IL1RAPL1: variants seen among roughly 807,000 people sequenced by gnomAD.
The protein encoded by IL1RAPL1 is interleukin-1 receptor accessory protein-like 1.
A neutral mutation model predicts 48.4 loss-of-function variants in IL1RAPL1; 3 were observed. That is an observed-to-expected ratio of 0.06 (90% CI 0.03 to 0.16). IL1RAPL1 has a LOEUF of 0.16. IL1RAPL1 is among the 10% of genes least tolerant of loss of function. The probability of loss-of-function intolerance (pLI) is 1.00; values close to 1 mark genes in which losing one functional copy is unlikely to be tolerated. For synonymous variants in IL1RAPL1, 185 were observed against 187.7 expected, an observed-to-expected ratio of 0.99 and a Z score of 0.12; for missense variants, 349 against 530.6, an observed-to-expected ratio of 0.66 and a Z score of 3.36.
At chrX:29,188,264 ATATT>A (rs1171954952) in intron 2 of IL1RAPL1, among the ~76,000 whole-genome samples, 1 of 111,864 alleles carries the variant, frequency 8.9e-6, no homozygotes, top group Non-Finnish European at 1.9e-5. Flanking sequence ...GGATAGGACT[ATATT>A]TATCTTCCTA....
At chrX:29,498,545 G>A (rs1935238582) in intron 5 of IL1RAPL1, among the ~76,000 whole-genome samples, 1 of 106,435 alleles carries the variant, frequency 9.4e-6, no homozygotes, top group South Asian at 4.0e-4. Flanking sequence ...TGTTTCAATT[G>A]TTTTCTTTTT....
chrX:29,530,445 T>A (rs780812971), intron 5 of IL1RAPL1, among the ~76,000 whole-genome samples: 1 of 111,582 alleles, frequency 9.0e-6, no homozygotes, highest in East Asian at 2.8e-4. Flanking sequence ...TTAATCCTGG[T>A]GGGGAAATCT....
chrX:28,863,882 G>C (rs1468740200), intron 2 of IL1RAPL1, among the ~76,000 whole-genome samples: 1 of 111,167 alleles, frequency 9.0e-6, no homozygotes, highest in Non-Finnish European at 1.9e-5. Flanking sequence ...CCCCAAACTT[G>C]GCTCATTAAA....
intron 1 of IL1RAPL1, among the ~76,000 whole-genome samples, chrX:28,669,676 TA>T (rs1242996416): frequency 9.7e-6 from 1 of 102,786 alleles, no homozygotes; most frequent in Non-Finnish European, 1.9e-5. Flanking sequence ...ATATAATTTA[TA>T]ATATAATATA....
chrX:29,427,630 A>G (rs780743905), intron 5 of IL1RAPL1, among the ~76,000 whole-genome samples: 7 of 111,190 alleles, frequency 6.3e-5, no homozygotes, highest in Non-Finnish European at 5.7e-5. Context: ...GTTCCTTGGT[A>G]TGGGTCCCAG....
At chrX:29,582,832 T>A (rs1923021525) in intron 5 of IL1RAPL1, among the ~76,000 whole-genome samples, 1 of 66,092 alleles carries the variant, frequency 1.5e-5, no homozygotes, top group African/African-American at 6.0e-5. Flanking sequence ...TTTGCTATTG[T>A]GAATAATGCC....
At chrX:28,624,852 T>C (rs1934320586) in intron 1 of IL1RAPL1, among the ~76,000 whole-genome samples, 1 of 112,285 alleles carries the variant, frequency 8.9e-6, no homozygotes, top group Non-Finnish European at 1.9e-5. Context: ...TTTTTAAATA[T>C]GAATACCCTA....
At chrX:29,836,170 T>A (rs1224161659) in intron 6 of IL1RAPL1, among the ~76,000 whole-genome samples, 1 of 94,266 alleles carries the variant, frequency 1.1e-5, no homozygotes, top group African/African-American at 3.6e-5. Context: ...GATTTTGGTA[T>A]GTTGTGTTTT....
intron 6 of IL1RAPL1, among the ~76,000 whole-genome samples, chrX:29,685,335 T>TTG (rs1926584775): frequency 9.1e-6 from 1 of 110,402 alleles, no homozygotes; most frequent in Non-Finnish European, 1.9e-5. Flanking sequence ...AAACCCCATC[T>TTG]TGACTAAAAA....
chrX:29,227,493 A>T (rs903393730), intron 2 of IL1RAPL1, among the ~76,000 whole-genome samples: 3 of 111,633 alleles, frequency 2.7e-5, no homozygotes, highest in African/African-American at 9.7e-5. Flanking sequence ...TTAATTTGAC[A>T]GTCTCCTTTT....
At chrX:29,534,838 G>A (rs1194168696) in intron 5 of IL1RAPL1, among the ~76,000 whole-genome samples, 1 of 109,545 alleles carries the variant, frequency 9.1e-6, no homozygotes, top group Non-Finnish European at 1.9e-5. Flanking sequence ...GCGTGGTGGC[G>A]GGCGCCTGTA....
chrX:29,691,728 G>A (rs184333717), intron 6 of IL1RAPL1, among the ~76,000 whole-genome samples: 2,994 of 90,702 alleles, frequency 0.033, 71 homozygotes, highest in Admixed American at 0.062. Context: ...TCCGGCCTGG[G>A]CGACAGAGCG....
At chrX:29,783,413 G>A (rs900506172) in intron 6 of IL1RAPL1, among the ~76,000 whole-genome samples, 1 of 110,980 alleles carries the variant, frequency 9.0e-6, no homozygotes, top group African/African-American at 3.3e-5. Flanking sequence ...AGCGGGAGAG[G>A]CTGTGAGTAA....
chrX:29,619,662 A>C (rs1222789066), intron 5 of IL1RAPL1, among the ~76,000 whole-genome samples: 2 of 111,626 alleles, frequency 1.8e-5, no homozygotes. Context: ...TTAGAGGGGA[A>C]GGATATGCTA....
intron 3 of IL1RAPL1, among the ~76,000 whole-genome samples, chrX:29,300,278 C>T (rs2147610810): frequency 9.0e-6 from 1 of 111,612 alleles, no homozygotes; most frequent in South Asian, 3.8e-4. Flanking sequence ...TTGTAATAGT[C>T]TCTTGGTGGT....
At chrX:29,251,260 T>C (rs940813775) in intron 2 of IL1RAPL1, among the ~76,000 whole-genome samples, 1 of 83,680 alleles carries the variant, frequency 1.2e-5, no homozygotes, top group African/African-American at 3.7e-5. Context: ...TTAGTAATTC[T>C]TACATTCAAC....
chrX:29,565,971 C>T (rs540967110), intron 5 of IL1RAPL1, among the ~76,000 whole-genome samples: 43 of 107,228 alleles, frequency 4.0e-4, no homozygotes, highest in African/African-American at 1.3e-3. Context: ...TTTTTTGAGA[C>T]GGAGTCTCGC....
chrX:29,195,705 A>T (rs1466325604), intron 2 of IL1RAPL1, among the ~76,000 whole-genome samples: 1 of 109,071 alleles, frequency 9.2e-6, no homozygotes, highest in Non-Finnish European at 1.9e-5. Flanking sequence ...GATTACAGAC[A>T]TGCGCTACCA....
intron 2 of IL1RAPL1, among the ~76,000 whole-genome samples, chrX:29,167,003 G>A (rs1041471267): frequency 5.4e-5 from 6 of 111,810 alleles, no homozygotes; most frequent in East Asian, 2.8e-4. Flanking sequence ...ACCTAACACC[G>A]TGCAGTCCTG....
Sources: allele counts gnomAD v4.1 joint callset (sites outside exome capture counted in the v4.1 genomes callset), GRCh38; gene constraint gnomAD v4.1.1; transcripts MANE v1.5; gene names NCBI Gene and HGNC (gene_info 2026-07-23, HGNC 2026-07-21).